SNX29: variants seen among roughly 807,000 people sequenced by gnomAD.
The protein encoded by SNX29 is sorting nexin-29.
SNX29 carries 78 observed loss-of-function variants against 102.1 expected under a neutral mutation model. That is an observed-to-expected ratio of 0.76 (90% CI 0.64 to 0.92). SNX29 has a LOEUF of 0.92. Among genes scored for constraint, SNX29 ranks in the 40% least tolerant of loss-of-function variants. The pLI, the probability that SNX29 is intolerant of heterozygous loss-of-function variation, is 0.00. For synonymous variants in SNX29, 580 were observed against 414.5 expected (o/e 1.40, Z -4.85); for missense variants, 1,280 against 1,061.7 (o/e 1.21, Z -2.86).
At chr16:12,026,451 TCTTAA>T (rs1567540850) in intron 3 of SNX29, among the ~76,000 whole-genome samples, 1 of 152,194 alleles carries the variant, frequency 6.6e-6, no homozygotes, top group African/African-American at 2.4e-5. Flanking sequence ...ATTCAGAATT[TCTTAA>T]CTTTTGTTGT....
intron 3 of SNX29, among the ~76,000 whole-genome samples, chr16:12,010,078 C>G (rs1188560789): frequency 6.6e-6 from 1 of 152,186 alleles, no homozygotes; most frequent in African/African-American, 2.4e-5. Context: ...TCAATATCCT[C>G]AACTCTGAAA....
At position 12,476,401 on chromosome 16, in the gene SNX29, TATATATATATAC is replaced by T. The variant is rs1301336091; in HGVS notation, c.2038-1306_2038-1295del. Among the ~76,000 whole-genome samples, 168 of 18,334 alleles carry T rather than the reference TATATATATATAC, an allele frequency of 9.2e-3. 8 individuals carry two copies. The highest frequency in any genetic ancestry group is 0.073 in the East Asian group (19 of 260). The allele number at this position is 18,334 out of a possible 152,430, so 12.0% of individuals were successfully genotyped here. ...AAAAAAAAATATATATATATATATA[TATATATATATAC>T]ATATATATATATATATATATATATA... is the stretch of plus-strand genomic sequence containing the variant. On this transcript the variant is annotated intron_variant, in intron 18 of 20. Coordinates refer to ENST00000566228, the MANE Select transcript of SNX29 (RefSeq NM_032167.5).
At chr16:12,559,667 C>T (rs1178171195) in intron 20 of SNX29, among the ~76,000 whole-genome samples, 1 of 152,070 alleles carries the variant, frequency 6.6e-6, no homozygotes, top group Admixed American at 6.6e-5. Context: ...GCTTCTCTAC[C>T]ATGGGCCTGG....
chr16:12,444,240 C>T (rs1424703447), intron 18 of SNX29, among the ~76,000 whole-genome samples: 1 of 151,584 alleles, frequency 6.6e-6, no homozygotes, highest in Non-Finnish European at 1.5e-5. Context: ...GGTAAGCACT[C>T]AATATAGCAC....
chr16:12,206,573 G>T (rs1156672572), intron 14 of SNX29, among the ~76,000 whole-genome samples: 1 of 152,030 alleles, frequency 6.6e-6, no homozygotes. Flanking sequence ...CTGTGTGCTG[G>T]CCGCCTTCTC....
intron 15 of SNX29, among the ~76,000 whole-genome samples, chr16:12,349,969 G>C (rs969941161): frequency 6.6e-6 from 1 of 152,164 alleles, no homozygotes; most frequent in South Asian, 2.1e-4. Flanking sequence ...TGAAGCTCCT[G>C]TTTCACAGCA....
At chr16:12,538,486 TAC>T (rs1399094059) in intron 20 of SNX29, among the ~76,000 whole-genome samples, 5 of 152,186 alleles carry the variant, frequency 3.3e-5, no homozygotes, top group African/African-American at 1.2e-4. Context: ...CTGTGTAACA[TAC>T]ATCTATGATA....
chr16:12,551,029 T>A (rs2141346424), intron 20 of SNX29, among the ~76,000 whole-genome samples: 1 of 152,332 alleles, frequency 6.6e-6, no homozygotes, highest in South Asian at 2.1e-4. Flanking sequence ...GATGGGCTTC[T>A]AAACAAGGTG....
At chr16:12,530,006 G>T (rs1227689516) in intron 20 of SNX29, among the ~76,000 whole-genome samples, 1 of 152,220 alleles carries the variant, frequency 6.6e-6, no homozygotes, top group Admixed American at 6.5e-5. Context: ...TTAGGTGTGT[G>T]TTCAGTAAAG....
intron 13 of SNX29, among the ~76,000 whole-genome samples, chr16:12,194,726 A>G (rs1801647049): frequency 6.6e-6 from 1 of 151,462 alleles, no homozygotes; most frequent in South Asian, 2.1e-4. Flanking sequence ...TCCCAGGTTC[A>G]AGCAATTCTT....
At chr16:12,447,496 T>A (rs575465960) in intron 18 of SNX29, among the ~76,000 whole-genome samples, 2 of 152,284 alleles carry the variant, frequency 1.3e-5, no homozygotes, top group African/African-American at 4.8e-5. Flanking sequence ...TAATCTGTAA[T>A]AACAAAAGTC....
At chr16:12,543,039 A>G (rs1347950076) in intron 20 of SNX29, among the ~76,000 whole-genome samples, 8 of 152,294 alleles carry the variant, frequency 5.3e-5, no homozygotes, top group African/African-American at 1.7e-4. Context: ...CAGAGGCTCA[A>G]AAAGTGTCAC....
At chr16:12,181,968 G>C (rs796227827) in intron 13 of SNX29, among the ~76,000 whole-genome samples, 5 of 151,164 alleles carry the variant, frequency 3.3e-5, no homozygotes, top group African/African-American at 1.2e-4. Flanking sequence ...AATGCAACCT[G>C]TGCCTCTGGG....
At chr16:12,530,319 C>G (rs1018620344) in intron 20 of SNX29, among the ~76,000 whole-genome samples, 10 of 152,064 alleles carry the variant, frequency 6.6e-5, no homozygotes, top group African/African-American at 7.2e-5. Context: ...GACAGGGAGC[C>G]TCGGGGAAGG....
chr16:12,366,171 T>G (rs1324164948), intron 16 of SNX29, among the ~76,000 whole-genome samples: 1 of 151,864 alleles, frequency 6.6e-6, no homozygotes, highest in Non-Finnish European at 1.5e-5. Context: ...ACTGTTGGAT[T>G]AGAGATAGTT....
intron 13 of SNX29, among the ~76,000 whole-genome samples, chr16:12,181,661 CGGTGATTTGGGGGCCTGTT>C (rs1567285490): frequency 6.7e-6 from 1 of 149,878 alleles, no homozygotes; most frequent in Non-Finnish European, 1.5e-5. Flanking sequence ...AGGGGGCTGC[CGGTGATTTGGGGGCCTGTT>C]GGTGATTTTG....
At chr16:12,403,394 T>A in intron 17 of SNX29, 54 bp from the exon 18 acceptor site, 1 of 1,511,452 alleles carries the variant, frequency 6.6e-7, no homozygotes, top group Non-Finnish European at 9.0e-7. Flanking sequence ...TATTTTTTAT[T>A]TTTTTGTAAG....
chr16:12,331,500 T>C (rs1368168203), intron 15 of SNX29, among the ~76,000 whole-genome samples: 3 of 152,198 alleles, frequency 2.0e-5, no homozygotes, highest in Non-Finnish European at 4.4e-5. Context: ...CCTTAATGTC[T>C]CTGAGCCTCA....
chr16:12,540,241 C>G (rs1036531782), intron 20 of SNX29, among the ~76,000 whole-genome samples: 1 of 152,094 alleles, frequency 6.6e-6, no homozygotes, highest in Non-Finnish European at 1.5e-5. Flanking sequence ...CTGACCCGCT[C>G]CCCCCACCCC....
Sources: gnomAD v4.1 joint callset for allele counts (sites outside exome capture counted in the v4.1 genomes callset) on GRCh38, gnomAD v4.1.1 for gene constraint, MANE v1.5 for transcripts, NCBI Gene and HGNC (gene_info 2026-07-23, HGNC 2026-07-21) for gene names.